The following PPARGC1A variants were observed in gnomAD, a reference collection of about 807,000 sequenced individuals.
PPARGC1A encodes peroxisome proliferator-activated receptor gamma coactivator 1-alpha.
A neutral mutation model predicts 88.7 loss-of-function variants in PPARGC1A; 25 were observed. That is an observed-to-expected ratio of 0.28 (90% CI 0.21 to 0.39). The LOEUF (loss-of-function observed/expected upper bound fraction) is 0.39. Ranked by LOEUF, PPARGC1A falls within the 10% of genes least tolerant of loss-of-function variation. The pLI is 1.00. For synonymous variants in PPARGC1A, 363 were observed against 355.6 expected (o/e 1.02, Z -0.24); for missense variants, 880 against 968.7 (o/e 0.91, Z 1.22).
At chr4:24,135,409 C>T in the PPARGC1A span, among the ~76,000 whole-genome samples, 13 of 152,130 alleles carry the variant, frequency 8.5e-5, no homozygotes, top group Non-Finnish European at 1.5e-4. Flanking sequence ...TCCTTGCAGG[C>T]CACACCCATC....
the PPARGC1A span, among the ~76,000 whole-genome samples, chr4:23,966,768 C>G: frequency 6.6e-6 from 1 of 152,164 alleles, no homozygotes; most frequent in East Asian, 1.9e-4. Context: ...ACTTTTTAGA[C>G]CAGGCATTGT....
At chr4:23,810,752 T>C (rs187093702) in intron 10 of PPARGC1A, among the ~76,000 whole-genome samples, 2 of 152,288 alleles carry the variant, frequency 1.3e-5, no homozygotes, top group Non-Finnish European at 2.9e-5. Flanking sequence ...AATGAAGGAT[T>C]TTATAAAATA....
chr4:24,135,378 A>T, the PPARGC1A span, among the ~76,000 whole-genome samples: 1 of 152,286 alleles, frequency 6.6e-6, no homozygotes, highest in Non-Finnish European at 1.5e-5. Context: ...CTGAGTAAAC[A>T]GTAATCCTTC....
the PPARGC1A span, among the ~76,000 whole-genome samples, chr4:24,265,397 T>C: frequency 1.3e-5 from 2 of 152,218 alleles, no homozygotes; most frequent in African/African-American, 4.8e-5. Context: ...CTTGGACAGG[T>C]AATTCCACTA....
At chr4:24,055,630 T>G in the PPARGC1A span, among the ~76,000 whole-genome samples, 3 of 152,206 alleles carry the variant, frequency 2.0e-5, no homozygotes, top group Non-Finnish European at 4.4e-5. Flanking sequence ...ATTGAGTTAT[T>G]GGGAAAAGTA....
the PPARGC1A span, among the ~76,000 whole-genome samples, chr4:24,194,044 G>T: frequency 3.3e-5 from 5 of 151,138 alleles, no homozygotes; most frequent in Non-Finnish European, 5.9e-5. Flanking sequence ...CAGGAGAATC[G>T]CTTGAACCTG....
chr4:24,110,242 T>C, the PPARGC1A span, among the ~76,000 whole-genome samples: 524 of 152,316 alleles, frequency 3.4e-3, 5 homozygotes, highest in African/African-American at 0.012. Flanking sequence ...ACATTGTGTA[T>C]GGAGATAACC....
chr4:24,110,405 A>C, the PPARGC1A span, among the ~76,000 whole-genome samples: 444 of 152,288 alleles, frequency 2.9e-3, 6 homozygotes, highest in East Asian at 0.052. Flanking sequence ...ATACTAAACA[A>C]ACACCTGTCT....
the PPARGC1A span, among the ~76,000 whole-genome samples, chr4:24,325,388 A>G: frequency 1.3e-5 from 2 of 152,180 alleles, no homozygotes; most frequent in Non-Finnish European, 2.9e-5. Context: ...ACTGTGAGAC[A>G]AACCCCAGCC....
chr4:24,452,255 CCA>C, the PPARGC1A span, among the ~76,000 whole-genome samples: 71 of 144,450 alleles, frequency 4.9e-4, 2 homozygotes, highest in South Asian at 0.015. Flanking sequence ...CCCCACCCCC[CCA>C]CACACAAACA....
At chr4:24,180,831 G>T in the PPARGC1A span, among the ~76,000 whole-genome samples, 2 of 152,010 alleles carry the variant, frequency 1.3e-5, no homozygotes, top group Admixed American at 6.6e-5. Flanking sequence ...AATGTGCAAA[G>T]GCTGTTGGAC....
chr4:23,805,616 G>C (rs1719658458), intron 10 of PPARGC1A, among the ~76,000 whole-genome samples: 1 of 152,128 alleles, frequency 6.6e-6, no homozygotes, highest in East Asian at 1.9e-4. Context: ...TTGAGCAAGG[G>C]AATCATAACA....
At chr4:24,252,349 G>A in the PPARGC1A span, among the ~76,000 whole-genome samples, 1 of 152,056 alleles carries the variant, frequency 6.6e-6, no homozygotes, top group Admixed American at 6.5e-5. Flanking sequence ...ACGGCCTTAG[G>A]GTATGTATGG....
the PPARGC1A span, among the ~76,000 whole-genome samples, chr4:24,130,159 A>G: frequency 6.6e-6 from 1 of 152,208 alleles, no homozygotes; most frequent in Non-Finnish European, 1.5e-5. Flanking sequence ...AAAAAAAATA[A>G]TAATAATAAT....
At chr4:24,030,710 G>A in the PPARGC1A span, among the ~76,000 whole-genome samples, 2 of 151,982 alleles carry the variant, frequency 1.3e-5, no homozygotes, top group African/African-American at 2.4e-5. Flanking sequence ...ACACACCCTC[G>A]TGAGACCTCA....
At chr4:24,378,408 A>T in the PPARGC1A span, among the ~76,000 whole-genome samples, 1 of 152,254 alleles carries the variant, frequency 6.6e-6, no homozygotes, top group Middle Eastern at 3.4e-3. Flanking sequence ...AGAAAGAAAG[A>T]TTTATATTTA....
the PPARGC1A span, among the ~76,000 whole-genome samples, chr4:23,958,517 A>T: frequency 6.6e-6 from 1 of 152,148 alleles, no homozygotes; most frequent in East Asian, 1.9e-4. Flanking sequence ...ATGTAAATAC[A>T]TCTGTATTAA....
At chr4:23,906,119 C>G (rs1719998723), upstream of PPARGC1A, among the ~76,000 whole-genome samples, 1 of 152,172 alleles carries the variant, frequency 6.6e-6, no homozygotes, top group Non-Finnish European at 1.5e-5. Flanking sequence ...AAAGAGTGCA[C>G]TGTTCTTTGC....
chr4:23,859,695 G>A (rs1372556034), intron 2 of PPARGC1A, among the ~76,000 whole-genome samples: 2 of 151,686 alleles, frequency 1.3e-5, no homozygotes, highest in African/African-American at 4.8e-5. Flanking sequence ...GCAAGACAAT[G>A]GCAGGAACCT....
Sources: allele counts gnomAD v4.1 joint callset (sites outside exome capture counted in the v4.1 genomes callset), GRCh38; gene constraint gnomAD v4.1.1; transcripts MANE v1.5; gene names NCBI Gene and HGNC (gene_info 2026-07-23, HGNC 2026-07-21).